Variants in DRC7 observed in about 807,000 individuals in gnomAD.
DRC7 encodes the protein coiled-coil domain containing 135.
Under a neutral mutation model 104.4 loss-of-function variants are expected in DRC7, and 80 were observed. That is an observed-to-expected ratio of 0.77 (90% confidence interval 0.64 to 0.92). DRC7 has a LOEUF of 0.92. DRC7 is among the 40% of genes least tolerant of loss of function. DRC7 has a pLI of 0.00. For missense variants in DRC7, 1,034 were observed against 1,141.1 expected, an observed-to-expected ratio of 0.91 and a Z score of 1.35; for synonymous variants, 405 against 447.3, an observed-to-expected ratio of 0.91 and a Z score of 1.19.
intron 9 of DRC7, among the ~76,000 whole-genome samples, chr16:57,719,994 C>T (rs1380389055): frequency 1.3e-5 from 2 of 152,192 alleles, no homozygotes; most frequent in Non-Finnish European, 2.9e-5. Flanking sequence ...AAAACTTCAA[C>T]CTATGAATTT....
At chr16:57,722,964 G>A (rs1193437086) in intron 11 of DRC7, 38 bp from the exon 12 acceptor site, 4 of 1,613,434 alleles carry the variant, frequency 2.5e-6, no homozygotes. Flanking sequence ...GGCTAGGGGA[G>A]CTGGCCTGGC....
intron 8 of DRC7, among the ~76,000 whole-genome samples, chr16:57,713,330 T>G (rs1278041775): frequency 6.6e-6 from 1 of 152,266 alleles, no homozygotes; most frequent in African/African-American, 2.4e-5. Flanking sequence ...GACAACATTA[T>G]TGAAATGTTG....
At position 57,723,105 on chromosome 16, in the gene DRC7, G is replaced by A; in HGVS notation, c.1512G>A (p.Lys504=). The change falls in exon 12 of 19, where the codon AAG becomes AAA. Residue 504 remains lysine (K), a synonymous_variant. Coordinates refer to ENST00000360716, the MANE Select transcript of DRC7 (RefSeq NM_001289162.2). The part of the protein sequence containing the change: ...KTTDLKTDYF[K]PGHPQALRVH... ...CAGACCTGAAGACAGACTACTTCAA[G>A]CCTGGCCACCCCCAGGCTCTGCGCG... 1.2e-6 allele frequency: 2 copies of A among 1,613,804 alleles called. No individual in the cohort carries two copies. The highest frequency in any genetic ancestry group is 1.7e-6 in the Non-Finnish European group (2 of 1,179,996).
intron 2 of DRC7, among the ~76,000 whole-genome samples, chr16:57,697,606 A>T (rs989495508): frequency 6.6e-6 from 1 of 152,150 alleles, no homozygotes; most frequent in Non-Finnish European, 1.5e-5. Context: ...ATAACTGTCA[A>T]ATATACTAAA....
rs1440750214 is a variant in DRC7, at chr16:57,699,672, C to T, written c.379-473C>T. 3.9e-5 allele frequency among the ~76,000 whole-genome samples: 6 copies of T among 152,174 alleles called. No individual in the cohort carries two copies. The East Asian group carries it at 1.2e-3, about 29-fold the overall frequency. The stretch of plus-strand genomic sequence containing the variant: ...GCCAGCTGGCCCCAGCCCAGAACCT[C>T]TGTAGGCCCCAGGGAGAGCATCGCT... On this transcript the variant is annotated intron_variant, in intron 4 of 18. Transcript: ENST00000360716.
chr16:57,730,153 A>G (rs2049042095), intron 17 of DRC7, among the ~76,000 whole-genome samples: 2 of 115,548 alleles, frequency 1.7e-5, no homozygotes, highest in East Asian at 2.9e-4. Flanking sequence ...GGATGGATGG[A>G]TGGATGGATG....
At chr16:57,707,206 C>T (rs1307531256) in intron 7 of DRC7, among the ~76,000 whole-genome samples, 1 of 152,234 alleles carries the variant, frequency 6.6e-6, no homozygotes, top group African/African-American at 2.4e-5. Flanking sequence ...CGGTAACCCC[C>T]AGATGCCCAG....
intron 8 of DRC7, among the ~76,000 whole-genome samples, chr16:57,708,939 G>T (rs149619507): frequency 0.017 from 2,587 of 152,032 alleles, 70 homozygotes; most frequent in African/African-American, 0.059. Flanking sequence ...GACCAGCCTG[G>T]CCAACATGGT....
intron 4 of DRC7, among the ~76,000 whole-genome samples, chr16:57,699,297 G>A (rs1204374470): frequency 6.6e-6 from 1 of 152,238 alleles, no homozygotes; most frequent in Non-Finnish European, 1.5e-5. Context: ...CTGCAGGCCT[G>A]GGGTTACCTG....
chr16:57,726,795 C>A, intron 14 of DRC7, 37 bp from the exon 15 acceptor site: 2 of 1,380,974 alleles, frequency 1.4e-6, no homozygotes, highest in Non-Finnish European at 2.0e-6. Flanking sequence ...CCGATCATGG[C>A]AGCCTCTCTG....
chr16:57,723,301 G>A (rs535022140), intron 12 of DRC7, among the ~76,000 whole-genome samples, 171 bp downstream of exon 12: 1 of 152,290 alleles, frequency 6.6e-6, no homozygotes, highest in Admixed American at 6.5e-5. Context: ...ATGTGTGGGA[G>A]GTCAGGGAAA....
At chr16:57,707,402 GC>G (rs2048743028) in intron 7 of DRC7, 57 bp from the exon 8 acceptor site, 1 of 1,507,502 alleles carries the variant, frequency 6.6e-7, no homozygotes, top group Admixed American at 1.8e-5. Context: ...AGATGTCTGG[GC>G]CCCTGACACT....
chr16:57,726,690 G>C, intron 14 of DRC7, 142 bp from the exon 15 acceptor site: 1 of 584,644 alleles, frequency 1.7e-6, no homozygotes, highest in Non-Finnish European at 3.1e-6. Context: ...TTTTATAAGT[G>C]AGAAAATTAA....
chr16:57,715,257 C>T (rs2148755945), intron 8 of DRC7, among the ~76,000 whole-genome samples: 1 of 152,268 alleles, frequency 6.6e-6, no homozygotes, highest in East Asian at 1.9e-4. Flanking sequence ...ACCATTTTGG[C>T]CAGGCTGGTC....
At chr16:57,728,057 C>A (rs546105362) in intron 16 of DRC7, among the ~76,000 whole-genome samples, 1 of 152,344 alleles carries the variant, frequency 6.6e-6, no homozygotes, top group African/African-American at 2.4e-5. Flanking sequence ...TAACCACTAC[C>A]GTTGACTGAA....
At chr16:57,695,723 C>T (rs920650789) in intron 1 of DRC7, among the ~76,000 whole-genome samples, 1 of 152,242 alleles carries the variant, frequency 6.6e-6, no homozygotes, top group Admixed American at 6.5e-5. Flanking sequence ...TCCCAGAGCA[C>T]AGAATGTCAG....
intron 17 of DRC7, among the ~76,000 whole-genome samples, chr16:57,730,377 TTGGA>T (rs1293158078): frequency 2.7e-5 from 4 of 147,540 alleles, no homozygotes; most frequent in Non-Finnish European, 6.0e-5. Flanking sequence ...AGATGGACGG[TTGGA>T]TGGATGAGTG....
At position 57,726,096 on chromosome 16, in the gene DRC7, C is replaced by G. The variant is rs1443373274; in HGVS notation, c.1787C>G (p.Pro596Arg). The change falls in exon 14 of 19, where the codon CCA (proline) becomes CGA (arginine). Residue 596 changes from proline to arginine, a missense_variant. Pro to Arg is a moderately radical substitution (Grantham distance 103). Coordinates refer to ENST00000360716, the MANE Select transcript of DRC7 (RefSeq NM_001289162.2). ...VKITERFFRN[P>R]AKPAEEDVAE... is the part of the protein sequence containing the mutation. ...ATCACAGAGCGGTTCTTCCGCAACC[C>G]AGCGAAGCCCGCGGAGGAGGACGTG... 6.2e-7 allele frequency: 1 copy of G among 1,613,340 alleles called. No homozygotes were observed. The highest frequency in any genetic ancestry group is 8.5e-7 in the Non-Finnish European group (1 of 1,179,998).
Position 57,697,910 on chromosome 16 carries a change from C to T in DRC7, c.-37-3C>T, listed in dbSNP as rs2048613546. On this transcript the variant is annotated splice_region_variant and splice_polypyrimidine_tract_variant and intron_variant, in intron 2 of 18. Coordinates refer to ENST00000360716, the MANE Select transcript of DRC7 (RefSeq NM_001289162.2). The stretch of plus-strand genomic sequence containing the variant: ...CATGGAGTATACTTACCCTTCCCCA[C>T]AGAGACATTCCATCTCCAGACACCC... The T allele has an allele frequency of 6.3e-7, 1 of 1,597,392 alleles. No homozygotes were observed.
Sources: allele counts gnomAD v4.1 joint callset (sites outside exome capture counted in the v4.1 genomes callset), GRCh38; gene constraint gnomAD v4.1.1; transcripts MANE v1.5; gene names NCBI Gene and HGNC (gene_info 2026-07-23, HGNC 2026-07-21).